The following PHF20L1 variants were observed in gnomAD, a reference collection of about 807,000 sequenced individuals.
PHF20L1 encodes the protein PHD finger protein 20-like protein 1.
In PHF20L1, 44 loss-of-function variants were observed where a neutral mutation model predicts 125.5. The observed-to-expected ratio is 0.35, with a 90% CI of 0.28 to 0.45. The LOEUF (loss-of-function observed/expected upper bound fraction) is 0.45, where lower values mean the gene tolerates loss of function less well. Ranked by LOEUF, PHF20L1 falls within the 20% of genes least tolerant of loss-of-function variation. The pLI is 1.00. For missense variants in PHF20L1, 1,012 were observed against 1,217.2 expected, an observed-to-expected ratio of 0.83 and a Z score of 2.51; for synonymous variants, 380 against 403.1, an observed-to-expected ratio of 0.94 and a Z score of 0.69.
chr8:132,820,058 T>TG (rs1013407504), intron 12 of PHF20L1, among the ~76,000 whole-genome samples: 4 of 151,980 alleles, frequency 2.6e-5, no homozygotes, highest in Non-Finnish European at 4.4e-5. Context: ...ATAATGAACT[T>TG]GCAATAATCT....
chr8:132,828,743 G>GT (rs1836463982), intron 14 of PHF20L1, among the ~76,000 whole-genome samples: 1 of 152,012 alleles, frequency 6.6e-6, no homozygotes, highest in African/African-American at 2.4e-5. Flanking sequence ...TTTTAGCTTT[G>GT]TTACTTTGAG....
chr8:132,789,883 T>G (rs1293893285), intron 2 of PHF20L1, among the ~76,000 whole-genome samples: 1 of 152,172 alleles, frequency 6.6e-6, no homozygotes, highest in African/African-American at 2.4e-5. Flanking sequence ...TTGCCTTCTC[T>G]CCATCTCTTT....
At chr8:132,815,108 AAC>A (rs1438521200) in intron 10 of PHF20L1, 1 of 390,992 alleles carries the variant, frequency 2.6e-6, no homozygotes, top group African/African-American at 2.1e-5. Context: ...TCCATTTAAT[AAC>A]ACAGATTCCA....
intron 15 of PHF20L1, among the ~76,000 whole-genome samples, chr8:132,833,187 T>C (rs570301511): frequency 2.0e-5 from 3 of 152,074 alleles, no homozygotes; most frequent in Non-Finnish European, 4.4e-5. Flanking sequence ...AAGTACAACC[T>C]AGGATCCTTG....
intron 2 of PHF20L1, among the ~76,000 whole-genome samples, chr8:132,783,954 A>G (rs1346941414): frequency 1.3e-5 from 2 of 152,178 alleles, no homozygotes; most frequent in South Asian, 2.1e-4. Context: ...GATAGTCACA[A>G]ATTTTGAATC....
intron 14 of PHF20L1, chr8:132,826,581 T>C (rs895080439): frequency 2.0e-5 from 3 of 152,036 alleles, no homozygotes; most frequent in African/African-American, 7.2e-5. Context: ...AAACATAATA[T>C]TTCACTTATA....
chr8:132,807,898 A>T (rs892295453), intron 8 of PHF20L1: 1 of 352,582 alleles, frequency 2.8e-6, no homozygotes, highest in East Asian at 8.2e-5. Flanking sequence ...GTATTCTTCT[A>T]GAAGAGGGCC....
Position 132,823,994 on chromosome 8 carries a change from TA to T in PHF20L1, c.1580-8del. The T allele has an allele frequency of 6.4e-7, 1 of 1,558,638 alleles. No homozygotes were observed. Among genetic ancestry groups the T allele is most frequent in the Non-Finnish European group, 8.8e-7 (1 of 1,136,992 alleles). On this transcript the variant is annotated splice_polypyrimidine_tract_variant and intron_variant, in intron 12 of 20. Coordinates refer to ENST00000395386, the MANE Select transcript of PHF20L1 (RefSeq NM_016018.5). ...TGATTAAACTTACATATTTTTCCCC[TA>T]ACCCACAGGAATATCGAAAACAGAA...
At chr8:132,819,857 C>T (rs1303055947) in intron 12 of PHF20L1, among the ~76,000 whole-genome samples, 1 of 151,736 alleles carries the variant, frequency 6.6e-6, no homozygotes, top group Non-Finnish European at 1.5e-5. Context: ...AATTGAAACT[C>T]TTGGGGAGTT....
At chr8:132,839,341 C>T (rs1017999591) in intron 17 of PHF20L1, 46 bp from the exon 18 acceptor site, 18 of 1,447,950 alleles carry the variant, frequency 1.2e-5, no homozygotes, top group Admixed American at 5.1e-5. Context: ...ATGAAAAATC[C>T]GAGTAAGTGC....
chr8:132,784,189 T>C (rs1830745391), intron 2 of PHF20L1, among the ~76,000 whole-genome samples: 1 of 152,204 alleles, frequency 6.6e-6, no homozygotes, highest in Non-Finnish European at 1.5e-5. Context: ...TGGTTTCGGG[T>C]TGTTCTTGCT....
At chr8:132,785,212 C>T (rs1830879736) in intron 2 of PHF20L1, among the ~76,000 whole-genome samples, 1 of 152,062 alleles carries the variant, frequency 6.6e-6, no homozygotes, top group South Asian at 2.1e-4. Flanking sequence ...TCATTCCTGC[C>T]GAATGTTATT....
At chr8:132,817,132 T>G in intron 11 of PHF20L1, 56 bp downstream of exon 11, 1 of 1,113,278 alleles carries the variant, frequency 9.0e-7, no homozygotes, top group South Asian at 1.7e-5. Flanking sequence ...AAGAAAAAAC[T>G]AAGAGATAAA....
chr8:132,803,894 G>T lies in PHF20L1; in HGVS notation c.583G>T (p.Ala195Ser), dbSNP rs146835449. 2 of 1,610,442 alleles carry T rather than the reference G, an allele frequency of 1.2e-6. No individual in the cohort carries two copies. Among genetic ancestry groups the T allele is most frequent in the Non-Finnish European group, 1.7e-6 (2 of 1,177,574 alleles). Residue 195 changes from alanine (A) to serine (S), a missense_variant, in exon 7 of 21, where the codon GCT (alanine) becomes TCT (serine). Ala to Ser is a moderately conservative substitution (Grantham distance 99). Coordinates refer to ENST00000395386, the MANE Select transcript of PHF20L1 (RefSeq NM_016018.5). The part of the protein sequence containing the change: ...NKTGSKPRTS[A>S]NSNKDKDKDE... The stretch of plus-strand genomic sequence containing the variant: ...AACAGGGAGTAAACCTCGAACCAGC[G>T]CTAACAGCAATAAAGATAAGGATAA...
In PHF20L1 at chr8:132,848,178, TAGCC is replaced by T. The variant is rs1447959666; in HGVS notation, c.*2259_*2262del. Reference sequence around the variant, plus strand: ...CTAAAAATTAGATCAATTTATTTGTTAGCCAGCAAATTGAAAATTCCATTATTAG... The same window carrying T: ...CTAAAAATTAGATCAATTTATTTGTTAGCAAATTGAAAATTCCATTATTAG... On this transcript the variant is annotated 3_prime_UTR_variant, in exon 21 of 21. Transcript: ENST00000395386. 2 of 152,246 alleles carry T rather than the reference TAGCC, an allele frequency of 1.3e-5. No homozygotes were observed. Among genetic ancestry groups the T allele is most frequent in the East Asian group, 3.9e-4 (2 of 5,194 alleles). 9.4% of individuals were successfully genotyped at this position (152,246 alleles called of 1,614,324 possible).
intron 1 of PHF20L1, among the ~76,000 whole-genome samples, chr8:132,776,893 T>C (rs1487220053): frequency 6.6e-6 from 1 of 152,214 alleles, no homozygotes; most frequent in Non-Finnish European, 1.5e-5. Context: ...TATCTCAAAA[T>C]GTATTCATAT....
At chr8:132,795,276 C>T (rs1832254460) in intron 4 of PHF20L1, among the ~76,000 whole-genome samples, 1 of 152,100 alleles carries the variant, frequency 6.6e-6, no homozygotes, top group South Asian at 2.1e-4. Flanking sequence ...CTTATTGTGT[C>T]TCTCCCTGCT....
intron 14 of PHF20L1, chr8:132,827,017 T>A (rs1836256253): frequency 6.6e-6 from 1 of 152,000 alleles, no homozygotes; most frequent in Admixed American, 6.6e-5. Context: ...TTTCACATTC[T>A]CGAATTCTAA....
At chr8:132,786,589 T>C (rs572639097) in intron 2 of PHF20L1, among the ~76,000 whole-genome samples, 1 of 152,260 alleles carries the variant, frequency 6.6e-6, no homozygotes, top group African/African-American at 2.4e-5. Flanking sequence ...AACTCATCAG[T>C]TGCAAGATGC....
Sources: allele counts gnomAD v4.1 joint callset (sites outside exome capture counted in the v4.1 genomes callset), GRCh38; gene constraint gnomAD v4.1.1; transcripts MANE v1.5; gene names NCBI Gene and HGNC (gene_info 2026-07-23, HGNC 2026-07-21).